Variants in GALNT5 observed in about 807,000 individuals in gnomAD.
GALNT5 encodes the protein polypeptide N-acetylgalactosaminyltransferase 5.
A neutral mutation model predicts 85.4 loss-of-function variants in GALNT5; 72 were observed. The observed-to-expected ratio is 0.84, with a 90% CI of 0.70 to 1.03. The LOEUF (loss-of-function observed/expected upper bound fraction) is 1.03, where lower values mean the gene tolerates loss of function less well. Ranked by LOEUF, GALNT5 falls within the 50% of genes least tolerant of loss-of-function variation. GALNT5 has a pLI of 0.00. For missense variants in GALNT5, 1,137 were observed against 1,135.5 expected (o/e 1.00, Z -0.02); for synonymous variants, 404 against 397.0 (o/e 1.02, Z -0.21).
At position 157,311,191 on chromosome 2, in the gene GALNT5, C is replaced by T. The variant is rs1292674481; in HGVS notation, c.2683-17C>T. ...AATTCAGCCTGTGGCTCATTCCCAG[C>T]TCTTCTTTCTCTCCAGGTGAATCAC... On this transcript the variant is annotated splice_polypyrimidine_tract_variant and intron_variant, in intron 9 of 9. Transcript: ENST00000259056. The T allele has an allele frequency of 1.3e-6, 2 of 1,598,720 alleles. No homozygotes were observed. The highest frequency in any genetic ancestry group is 1.1e-5 in the South Asian group (1 of 89,332).
rs764953641 is a variant in GALNT5 at position 157,258,879 on chromosome 2, A to G, written c.797A>G (p.Asn266Ser). The change falls in exon 1 of 10, where the codon AAT (asparagine) becomes AGT (serine). Residue 266 changes from asparagine (N) to serine (S), a missense_variant. Coordinates refer to ENST00000259056, the MANE Select transcript of GALNT5 (RefSeq NM_014568.3). ...ACTAAGACTCAGAGCAAAGAAGTCAATGCAAATAAACACAAAGCCAATACG... is the reference window on the plus strand; with the variant it reads ...ACTAAGACTCAGAGCAAAGAAGTCAGTGCAAATAAACACAAAGCCAATACG... ...NKTKTQSKEV[N>S]ANKHKANTSL... is the part of the protein sequence containing the mutation. 1.3e-6 allele frequency: 2 copies of G among 1,572,562 alleles called. No homozygotes were observed. Among genetic ancestry groups the G allele is most frequent in the Non-Finnish European group, 1.7e-6 (2 of 1,162,740 alleles).
At chr2:157,290,524 G>C (rs1683077785) in intron 3 of GALNT5, among the ~76,000 whole-genome samples, 1 of 152,106 alleles carries the variant, frequency 6.6e-6, no homozygotes. Flanking sequence ...GCTCTCAAGA[G>C]TAGAGATAAG....
intron 1 of GALNT5, among the ~76,000 whole-genome samples, chr2:157,259,830 C>T (rs1682299867): frequency 1.3e-5 from 2 of 152,144 alleles, no homozygotes; most frequent in African/African-American, 2.4e-5. Context: ...TTCATAATAA[C>T]GTGTATATAA....
In GALNT5 at chr2:157,299,639, G is replaced by C. The variant is rs151116449; in HGVS notation, c.2089G>C (p.Gly697Arg). The change falls in exon 6 of 10, where the codon GGG becomes CGG. Residue 697 changes from glycine (G) to arginine (R), a missense_variant. Coordinates refer to ENST00000259056, the MANE Select transcript of GALNT5 (RefSeq NM_014568.3). ...CGACCCTGGCCTTGATGTTTGGGGT[G>C]GGGAAAATATGGAGCTCTCATTCAA... ...TYDPGLDVWG[G>R]ENMELSFKVW... The C allele has an allele frequency of 3.0e-4, 477 of 1,605,064 alleles. No individual in the cohort carries two copies. The highest frequency in any genetic ancestry group is 3.9e-4 in the Non-Finnish European group (462 of 1,172,344).
chr2:157,283,171 T>C, intron 1 of GALNT5, among the ~76,000 whole-genome samples: 1 of 152,214 alleles, frequency 6.6e-6, no homozygotes, highest in East Asian at 1.9e-4. Flanking sequence ...TGGACTAGTC[T>C]TTCCATGATT....
chr2:157,273,272 G>A (rs774821362), intron 1 of GALNT5, among the ~76,000 whole-genome samples: 6 of 152,088 alleles, frequency 3.9e-5, no homozygotes, highest in Non-Finnish European at 7.4e-5. Context: ...AGAGTCTAAA[G>A]TTTGTCCAGT....
At chr2:157,308,201 T>C (rs1683493565) in intron 8 of GALNT5, among the ~76,000 whole-genome samples, 1 of 152,206 alleles carries the variant, frequency 6.6e-6, no homozygotes, top group Non-Finnish European at 1.5e-5. Flanking sequence ...GCACCAGGCT[T>C]GTCGGGATTC....
chr2:157,284,322 A>G lies in GALNT5; in HGVS notation c.1495A>G (p.Ser499Gly), dbSNP rs1240980648. 3.1e-6 allele frequency: 5 copies of G among 1,613,860 alleles called. No individual in the cohort carries two copies. Among genetic ancestry groups the G allele is most frequent in the Non-Finnish European group, 4.2e-6 (5 of 1,179,892 alleles). ...QLVHNNLPTTSVIMCFVDEVW... is the reference protein window; with the variant it reads ...QLVHNNLPTTGVIMCFVDEVW... ...AGTTCACAATAACCTCCCAACCACC[A>G]GTGTCATCATGTGCTTTGTGGATGA... Residue 499 changes from serine to glycine, a missense_variant, in exon 2 of 10, where the codon AGT (serine) becomes GGT (glycine). Transcript: ENST00000259056.
chr2:157,281,046 CA>C (rs1682844298), intron 1 of GALNT5, among the ~76,000 whole-genome samples: 1 of 152,006 alleles, frequency 6.6e-6, no homozygotes, highest in African/African-American at 2.4e-5. Flanking sequence ...TAGCTAGTCT[CA>C]GGTATTTCTT....
intron 1 of GALNT5, among the ~76,000 whole-genome samples, chr2:157,260,627 T>G (rs1682316875): frequency 6.6e-6 from 1 of 152,254 alleles, no homozygotes; most frequent in South Asian, 2.1e-4. Context: ...ACATGTGGCA[T>G]GTAAACAATG....
Position 157,312,984 on chromosome 2 carries a change from T to A in GALNT5, c.*1636T>A, listed in dbSNP as rs753901379. The A allele has an allele frequency of 6.6e-6, 1 of 152,184 alleles. No individual in the cohort carries two copies. The highest frequency in any genetic ancestry group is 1.5e-5 in the Non-Finnish European group (1 of 68,010). 9.4% of individuals were successfully genotyped at this position (152,184 alleles called of 1,614,324 possible). On this transcript the variant is annotated 3_prime_UTR_variant, in exon 10 of 10. Coordinates refer to ENST00000259056, the MANE Select transcript of GALNT5 (RefSeq NM_014568.3). The stretch of plus-strand genomic sequence containing the variant: ...TAATTTTGACTCCCAATGAGTTACG[T>A]AAAAGCAAAACTATAACTAAGAATG...
At chr2:157,288,855 A>C (rs954976669) in intron 3 of GALNT5, among the ~76,000 whole-genome samples, 1 of 152,134 alleles carries the variant, frequency 6.6e-6, no homozygotes, top group African/African-American at 2.4e-5. Context: ...TAAATGGGAG[A>C]AATGGTCAGC....
rs769600790 is a variant in GALNT5 at position 157,312,214 on chromosome 2, A to C, written c.*866A>C. Reference sequence around the variant, plus strand: ...CTCTAGTGCAGGGCCAAGTAAGAGGAGTTGAAATGAGTAAAGCAGAAATAG... The same window carrying C: ...CTCTAGTGCAGGGCCAAGTAAGAGGCGTTGAAATGAGTAAAGCAGAAATAG... On this transcript the variant is annotated 3_prime_UTR_variant, in exon 10 of 10. Transcript: ENST00000259056. 12 of 152,196 alleles carry C rather than the reference A, an allele frequency of 7.9e-5. No homozygotes were observed. The highest frequency in any genetic ancestry group is 1.8e-4 in the Non-Finnish European group (12 of 68,014). 9.4% of individuals were successfully genotyped at this position (152,196 alleles called of 1,614,324 possible).
chr2:157,301,202 A>G (rs1052947290), intron 7 of GALNT5, among the ~76,000 whole-genome samples: 3 of 152,248 alleles, frequency 2.0e-5, no homozygotes, highest in African/African-American at 7.2e-5. Context: ...TTAACTCAAC[A>G]GATATCTATT....
intron 9 of GALNT5, 97 bp downstream of exon 9, chr2:157,308,825 T>C (rs1469785670): frequency 4.4e-6 from 4 of 915,206 alleles, no homozygotes; most frequent in Non-Finnish European, 5.0e-6. Context: ...GTCAGAAGTT[T>C]TGTGTGTTTG....
chr2:157,259,657 A>AT, intron 1 of GALNT5, 121 bp downstream of exon 1: 1 of 620,136 alleles, frequency 1.6e-6, no homozygotes, highest in Non-Finnish European at 2.5e-6. Flanking sequence ...AGAAACATTA[A>AT]TCATTGGATA....
Position 157,300,937 on chromosome 2 carries a change from A to G in GALNT5, c.2377A>G (p.Lys793Glu), listed in dbSNP as rs1683329809. The change falls in exon 7 of 10, where the codon AAA becomes GAA. Residue 793 changes from lysine to glutamate, a missense_variant. Lys to Glu is a moderately conservative substitution (Grantham distance 56). Transcript: ENST00000259056. ...LRKKLKCKSF[K>E]WYLENVFPDL... ...AAAGAAACTGAAGTGCAAAAGTTTC[A>G]AATGGTACTTGGAGAATGTCTTTCC... The G allele has an allele frequency of 6.2e-7, 1 of 1,614,128 alleles. No homozygotes were observed. The highest frequency in any genetic ancestry group is 8.5e-7 in the Non-Finnish European group (1 of 1,179,962).
intron 1 of GALNT5, among the ~76,000 whole-genome samples, chr2:157,283,188 A>C (rs1682893300): frequency 6.6e-6 from 1 of 152,222 alleles, no homozygotes; most frequent in Non-Finnish European, 1.5e-5. Context: ...GATTTTGATT[A>C]TTCACCAATA....
intron 1 of GALNT5, among the ~76,000 whole-genome samples, chr2:157,261,176 T>C (rs1682332787): frequency 1.3e-5 from 2 of 151,966 alleles, no homozygotes; most frequent in South Asian, 4.1e-4. Context: ...AGTTTCATTT[T>C]AACATGCCCT....
Sources: allele counts gnomAD v4.1 joint callset (sites outside exome capture counted in the v4.1 genomes callset), GRCh38; gene constraint gnomAD v4.1.1; transcripts MANE v1.5; gene names NCBI Gene and HGNC (gene_info 2026-07-23, HGNC 2026-07-21).